Variants in PRDM4 observed in about 807,000 individuals in gnomAD.
The protein encoded by PRDM4 is PR/SET domain 4, also known as PR domain zinc finger protein 4.
PRDM4 carries 38 observed loss-of-function variants against 62.3 expected under a neutral mutation model. That is an observed-to-expected ratio of 0.61 (90% CI 0.47 to 0.80). The LOEUF (loss-of-function observed/expected upper bound fraction) is 0.80. Among genes scored for constraint, PRDM4 ranks in the 30% least tolerant of loss-of-function variants. PRDM4 has a pLI of 0.00. For synonymous variants in PRDM4, 339 were observed against 348.2 expected, an observed-to-expected ratio of 0.97 and a Z score of 0.30; for missense variants, 858 against 997.1, an observed-to-expected ratio of 0.86 and a Z score of 1.88.
intron 11 of PRDM4, 30 bp from the exon 12 acceptor site, chr12:107,734,552 T>C (rs762457553): frequency 6.3e-7 from 1 of 1,581,336 alleles, no homozygotes; most frequent in South Asian, 1.2e-5. Context: ...AAACATTTGA[T>C]TTGGGGTTAC....
intron 5 of PRDM4, among the ~76,000 whole-genome samples, chr12:107,748,297 A>C (rs1890782261): frequency 6.6e-6 from 1 of 152,222 alleles, no homozygotes; most frequent in South Asian, 2.1e-4. Context: ...CCACTTTGGA[A>C]AGCAGTTCCT....
In PRDM4 at chr12:107,740,970, G is replaced by A. The variant is rs1198002284; in HGVS notation, c.1900C>T (p.Arg634Trp). ...CCTGTATGTATCTTGAGGTGGGTCC[G>A]CAGGTTGCTGGGATCACTAAAAGCC... is the stretch of plus-strand genomic sequence containing the variant. ...SKAFSDPSNL[R>W]THLKIHTGQK... Residue 634 changes from arginine to tryptophan, a missense_variant, in exon 10 of 12, where the codon CGG becomes TGG. By Grantham distance (101) the Arg-to-Trp change is moderately radical. This residue lies in a region of PRDM4 where 355 missense variants were observed against 432.6 expected (regional missense o/e 0.82). Transcript: ENST00000228437. The A allele has an allele frequency of 1.9e-6, 3 of 1,613,926 alleles. No homozygotes were observed. The highest frequency in any genetic ancestry group is 1.1e-5 in the South Asian group (1 of 91,068).
chr12:107,749,583 G>A (rs569228636), intron 5 of PRDM4, among the ~76,000 whole-genome samples: 2 of 151,694 alleles, frequency 1.3e-5, no homozygotes, highest in South Asian at 4.2e-4. Context: ...CAGAAACCAG[G>A]GTTTTCTCCT....
intron 5 of PRDM4, among the ~76,000 whole-genome samples, chr12:107,748,734 T>C (rs530932173): frequency 6.6e-6 from 1 of 152,310 alleles, no homozygotes; most frequent in Non-Finnish European, 1.5e-5. Flanking sequence ...GTGACTAAAA[T>C]GTTTTGGAAG....
intron 2 of PRDM4, among the ~76,000 whole-genome samples, chr12:107,757,508 T>C (rs1475992999): frequency 6.6e-6 from 1 of 152,208 alleles, no homozygotes; most frequent in Non-Finnish European, 1.5e-5. Context: ...AGTATATTAA[T>C]GTCCTCCAAA....
In PRDM4 at chr12:107,741,132, G is replaced by A. The variant is rs1410480820; in HGVS notation, c.1738C>T (p.His580Tyr). 1.2e-6 allele frequency: 2 copies of A among 1,614,156 alleles called. No homozygotes were observed. The highest frequency in any genetic ancestry group is 1.3e-5 in the African/African-American group (1 of 75,044). ...CTTTCTTTGCTGTGACTTGGCCCATGGCTGCCGCTATGTCCCTGGGTAGGA... is the reference window on the plus strand; with the variant it reads ...CTTTCTTTGCTGTGACTTGGCCCATAGCTGCCGCTATGTCCCTGGGTAGGA... The part of the protein sequence containing the change: ...HLPTQGHSGS[H>Y]GPSHSKERKW... The change falls in exon 10 of 12, where the codon CAT becomes TAT. Residue 580 changes from histidine to tyrosine, a missense_variant. Physicochemically the swap from His to Tyr is moderately conservative, Grantham distance 83. Coordinates refer to ENST00000228437, the MANE Select transcript of PRDM4 (RefSeq NM_012406.4).
Position 107,754,063 on chromosome 12 carries a change from C to A in PRDM4, c.192G>T (p.Leu64=). 6.2e-7 allele frequency: 1 copy of A among 1,613,544 alleles called. No individual in the cohort carries two copies. Among genetic ancestry groups the A allele is most frequent in the South Asian group, 1.1e-5 (1 of 91,002 alleles). ...IPNLGPSLSS[L]PSALSLMLPM... ...GTAGCATTAAAGACAGAGCAGAAGG[C>A]AGAGAGCTCAGGGAGGGACCCAGGT... is the stretch of plus-strand genomic sequence containing the variant. The change falls in exon 4 of 12, where the codon CTG becomes CTT. Residue 64 remains leucine, a synonymous_variant. Coordinates refer to ENST00000228437, the MANE Select transcript of PRDM4 (RefSeq NM_012406.4).
intron 3 of PRDM4, among the ~76,000 whole-genome samples, 183 bp downstream of exon 3, chr12:107,756,649 T>C (rs912473953): frequency 6.6e-6 from 1 of 152,232 alleles, no homozygotes. Context: ...AGAATTCTAA[T>C]ACTCTACCTC....
intron 6 of PRDM4, 47 bp downstream of exon 6, chr12:107,746,228 A>G (rs1890700060): frequency 1.3e-6 from 2 of 1,597,424 alleles, no homozygotes; most frequent in East Asian, 4.5e-5. Context: ...TCTACGCTAC[A>G]AAGGAAGAAG....
In PRDM4 at chr12:107,743,235, T is replaced by C. The variant is rs771802576; in HGVS notation, c.1443A>G (p.Glu481=). ...CAAACATCATCCAATTACATTCATTTTCATCAGTTGTAATGATGCAGAATT... is the reference window on the plus strand; with the variant it reads ...CAAACATCATCCAATTACATTCATTCTCATCAGTTGTAATGATGCAGAATT... ...VLEFCIITTD[E]NECNWMMFVR... is the part of the protein sequence containing the mutation. The change falls in exon 8 of 12, where the codon GAA becomes GAG. Residue 481 remains glutamate (E), a synonymous_variant. Coordinates refer to ENST00000228437, the MANE Select transcript of PRDM4 (RefSeq NM_012406.4). 6.2e-7 allele frequency: 1 copy of C among 1,613,668 alleles called. No homozygotes were observed. Among genetic ancestry groups the C allele is most frequent in the South Asian group, 1.1e-5 (1 of 91,076 alleles).
chr12:107,751,192 T>C (rs1301329499), intron 5 of PRDM4, among the ~76,000 whole-genome samples: 2 of 152,342 alleles, frequency 1.3e-5, no homozygotes, highest in South Asian at 2.1e-4. Context: ...ATTTCATTTC[T>C]TCAGGAGGAT....
chr12:107,737,646 T>C (rs1402313898), intron 11 of PRDM4, among the ~76,000 whole-genome samples: 3 of 152,214 alleles, frequency 2.0e-5, no homozygotes, highest in Non-Finnish European at 4.4e-5. Flanking sequence ...GAAATCAATC[T>C]TGCATGTGGA....
rs1400011139 is a variant in PRDM4, at chr12:107,756,918, G to A, written c.59C>T (p.Ser20Leu). Reference protein sequence around the residue: ...LSPVGMEQLTSSSVSNALPVS... With the variant: ...LSPVGMEQLTLSSVSNALPVS... ...TGGCAAGGCATTGCTCACAGAGGAT[G>A]AAGTCAGCTGCTCCATCCCCACTGG... The change falls in exon 3 of 12, where the codon TCA (serine) becomes TTA (leucine). Residue 20 changes from serine to leucine, a missense_variant. This residue lies in a region of PRDM4 where 499 missense variants were observed against 546.7 expected (regional missense o/e 0.91). Transcript: ENST00000228437. 3.1e-6 allele frequency: 5 copies of A among 1,614,166 alleles called. No individual in the cohort carries two copies. The highest frequency in any genetic ancestry group is 1.7e-5 in the Admixed American group (1 of 60,022).
At chr12:107,735,788 C>T (rs1472630334) in intron 11 of PRDM4, among the ~76,000 whole-genome samples, 1 of 149,868 alleles carries the variant, frequency 6.7e-6, no homozygotes, top group Non-Finnish European at 1.5e-5. Context: ...GTAGCTGAAC[C>T]CCATGTCTTT....
At position 107,739,367 on chromosome 12, in the gene PRDM4, C is replaced by T; in HGVS notation, c.2093+16G>A. ...CACCACCTGAGGAACGACGTCTTGG[C>T]TGCAGGGTAACTTACTGAGTGTGGA... On this transcript the variant is annotated intron_variant, in intron 11 of 11. Transcript: ENST00000228437. 6.2e-7 allele frequency: 1 copy of T among 1,610,380 alleles called. No homozygotes were observed. Among genetic ancestry groups the T allele is most frequent in the Admixed American group, 1.7e-5 (1 of 59,866 alleles).
Position 107,734,288 on chromosome 12 carries a change from T to C in PRDM4, c.2328A>G (p.Ala776=). The change falls in exon 12 of 12, where the codon GCA becomes GCG. Residue 776 remains alanine (A), a synonymous_variant. Transcript: ENST00000228437. ...EEDDSEEEDL[A]DSVGTEDCRI... Reference sequence around the variant, plus strand: ...TACAGTCTTCTGTCCCCACAGAGTCTGCTAGATCTTCCTCTTCTGAGTCAT... The same window carrying C: ...TACAGTCTTCTGTCCCCACAGAGTCCGCTAGATCTTCCTCTTCTGAGTCAT... 1 of 1,614,210 alleles carries C rather than the reference T, an allele frequency of 6.2e-7. No individual in the cohort carries two copies. The highest frequency in any genetic ancestry group is 8.5e-7 in the Non-Finnish European group (1 of 1,180,034).
At chr12:107,743,155 T>C (rs200269818) in intron 8 of PRDM4, 42 bp downstream of exon 8, 177 of 1,463,606 alleles carry the variant, frequency 1.2e-4, no homozygotes, top group Non-Finnish European at 1.6e-4. Context: ...TTGAAAAACA[T>C]CTAAATGGTA....
At chr12:107,742,497 T>C in intron 8 of PRDM4, 149 bp from the exon 9 acceptor site, 1 of 869,178 alleles carries the variant, frequency 1.2e-6, no homozygotes, top group Non-Finnish European at 1.8e-6. Flanking sequence ...CCGTCCTATC[T>C]ATGAGAAGGC....
chr12:107,744,716 G>A (rs1890632345), intron 6 of PRDM4, 55 bp from the exon 7 acceptor site: 1 of 1,595,024 alleles, frequency 6.3e-7, no homozygotes, highest in Non-Finnish European at 8.6e-7. Context: ...GCAAGATACA[G>A]AAGAAAGAGG....
Sources: allele counts gnomAD v4.1 joint callset (sites outside exome capture counted in the v4.1 genomes callset), GRCh38; gene constraint gnomAD v4.1.1; regional missense constraint gnomAD v4.1.1; transcripts MANE v1.5; gene names NCBI Gene and HGNC (gene_info 2026-07-23, HGNC 2026-07-21).